FRMD7: variants seen among roughly 807,000 people sequenced by gnomAD.
FRMD7 encodes the protein FERM domain-containing protein 7.
A neutral mutation model predicts 44.1 loss-of-function variants in FRMD7; 14 were observed. The ratio of observed to expected loss-of-function variants is 0.32; its 90% confidence interval spans 0.21 to 0.50. The LOEUF is 0.50. Ranked by LOEUF, FRMD7 falls within the 20% of genes least tolerant of loss-of-function variation. The pLI is 0.99. For synonymous variants in FRMD7, 212 were observed against 187.4 expected (o/e 1.13, Z -1.07); for missense variants, 501 against 522.3 (o/e 0.96, Z 0.40).
chrX:132,118,030 C>A (rs949793341), intron 1 of FRMD7, among the ~76,000 whole-genome samples: 1 of 111,530 alleles, frequency 9.0e-6, no homozygotes, highest in Non-Finnish European at 1.9e-5. Flanking sequence ...TAATTAAATA[C>A]GGAAATATGA....
At chrX:132,087,703 G>A (rs1313271782) in intron 5 of FRMD7, among the ~76,000 whole-genome samples, 1 of 111,015 alleles carries the variant, frequency 9.0e-6, no homozygotes, top group Non-Finnish European at 1.9e-5. Context: ...TATTCTATGA[G>A]GTCAATATTA....
chrX:132,085,319 G>GAT (rs1345456758), intron 7 of FRMD7, among the ~76,000 whole-genome samples: 3 of 111,652 alleles, frequency 2.7e-5, no homozygotes, highest in African/African-American at 6.5e-5. Flanking sequence ...TATACAAAAA[G>GAT]ATATATATAG....
intron 7 of FRMD7, 68 bp from the exon 8 acceptor site, chrX:132,084,653 C>T (rs1927926876): frequency 1.5e-6 from 1 of 661,876 alleles, no homozygotes; most frequent in Admixed American, 2.3e-5. Flanking sequence ...CAGTGCAAAC[C>T]TGATAGAAAA....
Position 132,108,035 on chromosome X carries a change from A to G in FRMD7, c.58-7319T>C, listed in dbSNP as rs191119631. Among the ~76,000 whole-genome samples the G allele has an allele frequency of 2.7e-5, 3 of 112,107 alleles. No homozygotes were observed. In the East Asian group the frequency reaches 8.4e-4, roughly 32 times the overall value. On this transcript the variant is annotated intron_variant, in intron 1 of 11. Transcript: ENST00000298542. ...CTAAGAATGTTTGCTTTGGAGCCAG[A>G]CACACCTGGGCCTAGTTCTGACTCC...
At chrX:132,101,808 A>C (rs1928507407) in intron 1 of FRMD7, among the ~76,000 whole-genome samples, 1 of 111,701 alleles carries the variant, frequency 9.0e-6, no homozygotes, top group Admixed American at 9.5e-5. Context: ...AGGAGCTTTG[A>C]AGAGCTCTCT....
Position 132,078,734 on chromosome X carries a change from T to C in FRMD7, c.1283A>G (p.Asn428Ser). The change falls in exon 12 of 12, where the codon AAT becomes AGT. Residue 428 changes from asparagine (N) to serine (S), a missense_variant. This residue lies in a region of FRMD7 where 453 missense variants were observed against 452.7 expected (regional missense o/e 1.00). Transcript: ENST00000298542. Reference protein sequence around the residue: ...YMDPVFNTEPNPNPDPRDIFS... With the variant: ...YMDPVFNTEPSPNPDPRDIFS... ...AATGTCTCTGGGATCAGGGTTAGGA[T>C]TGGGCTCAGTGTTAAAGACAGGGTC... The C allele has an allele frequency of 8.3e-7, 1 of 1,210,147 alleles. No individual in the cohort carries two copies. Among genetic ancestry groups the C allele is most frequent in the African/African-American group, 1.7e-5 (1 of 57,732 alleles).
chrX:132,120,588 T>C (rs937474632), intron 1 of FRMD7, among the ~76,000 whole-genome samples: 4 of 112,519 alleles, frequency 3.6e-5, no homozygotes, highest in Non-Finnish European at 7.5e-5. Flanking sequence ...CCTCCTCCTT[T>C]CAGCTGTGGG....
chrX:132,102,293 G>A, intron 1 of FRMD7, among the ~76,000 whole-genome samples: 1 of 112,068 alleles, frequency 8.9e-6, no homozygotes, highest in South Asian at 3.7e-4. Context: ...GTTAACCCCA[G>A]TCCGATTTTT....
chrX:132,078,865 T>C lies in FRMD7; in HGVS notation c.1152A>G (p.Ala384=). 1.7e-6 allele frequency: 2 copies of C among 1,206,550 alleles called. No homozygotes were observed. Among genetic ancestry groups the C allele is most frequent in the Non-Finnish European group, 2.2e-6 (2 of 890,984 alleles). ...PVLESRRRNS[A]LEVTFATELE... is the part of the protein sequence containing the mutation. ...GCTCAGTTGCAAATGTCACCTCCAA[T>C]GCAGAATTCCTCCTCCTACTCTCCA... Residue 384 remains alanine (A), a synonymous_variant, in exon 12 of 12, where the codon GCA becomes GCG. Coordinates refer to ENST00000298542, the MANE Select transcript of FRMD7 (RefSeq NM_194277.3).
At chrX:132,079,417 TC>T (rs1927735099) in intron 11 of FRMD7, among the ~76,000 whole-genome samples, 1 of 112,071 alleles carries the variant, frequency 8.9e-6, no homozygotes, top group Non-Finnish European at 1.9e-5. Flanking sequence ...ACTAAATGGC[TC>T]CTTTCATCAT....
Position 132,077,862 on chromosome X carries a change from G to C in FRMD7, c.*10C>G. On this transcript the variant is annotated 3_prime_UTR_variant, in exon 12 of 12. Transcript: ENST00000298542. Reference sequence around the variant, plus strand: ...GGAACTGGCTCAGAAATGTCCATAGGTTCACACTTTTAAGCTAAAAAGTAA... The same window carrying C: ...GGAACTGGCTCAGAAATGTCCATAGCTTCACACTTTTAAGCTAAAAAGTAA... 8.3e-7 allele frequency: 1 copy of C among 1,210,464 alleles called. No individual in the cohort carries two copies. The highest frequency in any genetic ancestry group is 1.1e-6 in the Non-Finnish European group (1 of 894,314).
At chrX:132,102,077 G>A (rs1928515942) in intron 1 of FRMD7, among the ~76,000 whole-genome samples, 1 of 110,907 alleles carries the variant, frequency 9.0e-6, no homozygotes, top group South Asian at 3.9e-4. Context: ...ACCTTGAGAG[G>A]TCAGAGAGTC....
intron 1 of FRMD7, among the ~76,000 whole-genome samples, chrX:132,126,391 G>A (rs1024148795): frequency 3.6e-5 from 4 of 111,631 alleles, no homozygotes; most frequent in African/African-American, 1.3e-4. Flanking sequence ...TTGACTTGAA[G>A]CCAAATCAAG....
chrX:132,092,542 A>C (rs1433923624), intron 5 of FRMD7, among the ~76,000 whole-genome samples: 1 of 112,290 alleles, frequency 8.9e-6, no homozygotes, highest in Admixed American at 9.4e-5. Context: ...CCTAGTTGGA[A>C]CTTTAGCTTT....
intron 5 of FRMD7, among the ~76,000 whole-genome samples, chrX:132,087,358 G>A (rs765350095): frequency 3.1e-4 from 35 of 111,200 alleles, no homozygotes; most frequent in African/African-American, 1.1e-3. Context: ...TAAGATACAT[G>A]GACAATAGGA....
rs371805266 is a variant in FRMD7, at chrX:132,085,529, A to C, written c.645+52T>G. Reference sequence around the variant, plus strand: ...GGAAAGGACACCCAAGTTTGAGCCAAGATAACCACCCCTCACTAAAGCTGA... The same window carrying C: ...GGAAAGGACACCCAAGTTTGAGCCACGATAACCACCCCTCACTAAAGCTGA... On this transcript the variant is annotated intron_variant, in intron 7 of 11. Transcript: ENST00000298542. 4.5e-5 allele frequency: 52 copies of C among 1,156,931 alleles called. No homozygotes were observed. In the African/African-American group the frequency reaches 8.2e-4, roughly 18 times the overall value.
In FRMD7 at chrX:132,083,660, G is replaced by A. The variant is rs1036419112; in HGVS notation, c.741+830C>T. Among the ~76,000 whole-genome samples, 6 of 112,121 alleles carry A rather than the reference G, an allele frequency of 5.4e-5. No homozygotes were observed. In the South Asian group the frequency reaches 1.8e-3, roughly 34 times the overall value. On this transcript the variant is annotated intron_variant, in intron 8 of 11. Transcript: ENST00000298542. Reference sequence around the variant, plus strand: ...ATACACACTTTTTATTTTCTTTATGGTCATAAGAAAATTCCTTTCTAGACT... The same window carrying A: ...ATACACACTTTTTATTTTCTTTATGATCATAAGAAAATTCCTTTCTAGACT...
rs933190542 is a variant in FRMD7, at chrX:132,078,083, T to A, written c.1934A>T (p.Tyr645Phe). The A allele has an allele frequency of 1.7e-6, 2 of 1,209,931 alleles. No individual in the cohort carries two copies. Among genetic ancestry groups the A allele is most frequent in the African/African-American group, 3.5e-5 (2 of 57,196 alleles). The change falls in exon 12 of 12, where the codon TAT (tyrosine) becomes TTT (phenylalanine). Residue 645 changes from tyrosine (Y) to phenylalanine (F), a missense_variant. Tyr to Phe is a conservative substitution (Grantham distance 22, BLOSUM62 3). Transcript: ENST00000298542. ...VLMDQSTAER[Y>F]VASESSDSES... ...AGAATCACTGGATTCACTAGCTACA[T>A]ACCTTTCTGCTGTACTTTGATCCAT...
intron 1 of FRMD7, among the ~76,000 whole-genome samples, chrX:132,118,499 C>T (rs1048197262): frequency 9.0e-6 from 1 of 110,836 alleles, no homozygotes; most frequent in Non-Finnish European, 1.9e-5. Flanking sequence ...AATCCCAGGC[C>T]ACCACACAGG....
Sources: allele counts gnomAD v4.1 joint callset (sites outside exome capture counted in the v4.1 genomes callset), GRCh38; gene constraint gnomAD v4.1.1; regional missense constraint gnomAD v4.1.1; transcripts MANE v1.5; gene names NCBI Gene and HGNC (gene_info 2026-07-23, HGNC 2026-07-21).